Variants in UBAP2 observed in about 807,000 individuals in gnomAD.
The protein encoded by UBAP2 is ubiquitin associated protein 2.
Under a neutral mutation model 139.6 loss-of-function variants are expected in UBAP2, and 75 were observed. The ratio of observed to expected loss-of-function variants is 0.54; its 90% confidence interval spans 0.45 to 0.65. UBAP2 has a LOEUF of 0.65. Ranked by LOEUF, UBAP2 falls within the 30% of genes least tolerant of loss-of-function variation. UBAP2 has a pLI of 0.00. For missense variants in UBAP2, 1,368 were observed against 1,369.6 expected, an observed-to-expected ratio of 1.00 and a Z score of 0.02; for synonymous variants, 526 against 526.2, an observed-to-expected ratio of 1.00 and a Z score of 0.01.
intron 6 of UBAP2, among the ~76,000 whole-genome samples, chr9:33,982,630 A>G (rs756531438): frequency 5.3e-5 from 8 of 152,312 alleles, no homozygotes; most frequent in South Asian, 2.1e-4. Context: ...CAGTCCCAGT[A>G]AGAATAGGAA....
At chr9:34,005,785 A>G (rs1823152499) in intron 2 of UBAP2, among the ~76,000 whole-genome samples, 1 of 152,210 alleles carries the variant, frequency 6.6e-6, no homozygotes, top group South Asian at 2.1e-4. Flanking sequence ...GAATAAAAAT[A>G]CAGTATAGAG....
Position 33,941,709 on chromosome 9 carries a change from A to G in UBAP2, c.1869T>C (p.His623=). 6.2e-7 allele frequency: 1 copy of G among 1,614,200 alleles called. No individual in the cohort carries two copies. Among genetic ancestry groups the G allele is most frequent in the South Asian group, 1.1e-5 (1 of 91,092 alleles). Residue 623 remains histidine, a synonymous_variant, in exon 16 of 29, where the codon CAT becomes CAC. Transcript: ENST00000379238. ...MSSSYDQSSV[H]NRIPYQSPVS... ...CAGGGCTTTGGTATGGGATCCTGTTATGCACAGAACTCTGGTCATAAGAGG... is the reference window on the plus strand; with the variant it reads ...CAGGGCTTTGGTATGGGATCCTGTTGTGCACAGAACTCTGGTCATAAGAGG...
chr9:34,020,278 T>C (rs544912332), intron 1 of UBAP2, among the ~76,000 whole-genome samples: 1 of 151,392 alleles, frequency 6.6e-6, no homozygotes, highest in East Asian at 1.9e-4. Context: ...TTCAGCGCAA[T>C]AACACATAGA....
chr9:34,031,789 C>CA (rs138160278), intron 1 of UBAP2, among the ~76,000 whole-genome samples: 2,365 of 102,834 alleles, frequency 0.023, 66 homozygotes, highest in African/African-American at 0.079. Context: ...TGTCCCAAAC[C>CA]AAAAAAAAAA....
intron 1 of UBAP2, among the ~76,000 whole-genome samples, 169 bp from the exon 2 acceptor site, chr9:34,017,358 C>T (rs73482905): frequency 0.012 from 1,788 of 152,264 alleles, 35 homozygotes; most frequent in African/African-American, 0.04. Flanking sequence ...TAAACCAATT[C>T]GACTACTGCA....
chr9:33,991,094 G>A (rs994910990), intron 4 of UBAP2, among the ~76,000 whole-genome samples: 3 of 151,960 alleles, frequency 2.0e-5, no homozygotes, highest in Admixed American at 1.3e-4. Flanking sequence ...AGACTATCCT[G>A]GCCAACATTG....
Position 33,981,115 on chromosome 9 carries a change from T to TGG in UBAP2, c.520+5644_520+5645insCC, listed in dbSNP as rs1292697883. Among the ~76,000 whole-genome samples the TGG allele has an allele frequency of 2.8e-4, 2 of 7,150 alleles. 1 individual carries two copies. Among genetic ancestry groups the TGG allele is most frequent in the Non-Finnish European group, 7.0e-4 (2 of 2,838 alleles). The allele number at this position is 7,150 out of a possible 152,430, so 4.7% of individuals were successfully genotyped here. A position where few individuals can be genotyped will look rare whatever the true frequency, so the allele number is the denominator to read the frequency against. ...TATATATATTCTGGATATATATATA[T>TGG]ATATATATATATATATATATATTCT... On this transcript the variant is annotated intron_variant, in intron 6 of 28. Transcript: ENST00000379238.
chr9:33,980,462 C>T (rs1455791611), intron 6 of UBAP2, among the ~76,000 whole-genome samples: 2 of 150,704 alleles, frequency 1.3e-5, no homozygotes, highest in South Asian at 2.1e-4. Flanking sequence ...AGGGTGGTCT[C>T]GATCTCCTGA....
chr9:33,979,852 G>GT (rs1292287370), intron 6 of UBAP2, among the ~76,000 whole-genome samples: 1 of 151,370 alleles, frequency 6.6e-6, no homozygotes, highest in African/African-American at 2.4e-5. Context: ...TGGAGACAGA[G>GT]TGAGACTCTG....
intron 1 of UBAP2, among the ~76,000 whole-genome samples, chr9:34,024,000 C>T (rs1376653715): frequency 2.6e-5 from 4 of 151,168 alleles, no homozygotes; most frequent in African/African-American, 7.3e-5. Flanking sequence ...GCCGAGATGG[C>T]GCCATTGCAC....
At chr9:33,987,624 A>T (rs533802233) in intron 5 of UBAP2, among the ~76,000 whole-genome samples, 150 of 152,126 alleles carry the variant, frequency 9.9e-4, no homozygotes, top group Non-Finnish European at 1.9e-3. Flanking sequence ...AAGTGAAAAA[A>T]ATATATATAT....
At position 33,981,120 on chromosome 9, in the gene UBAP2, A is replaced by C. The variant is rs1337733394; in HGVS notation, c.520+5640T>G. On this transcript the variant is annotated intron_variant, in intron 6 of 28. Coordinates refer to ENST00000379238, the MANE Select transcript of UBAP2 (RefSeq NM_001370062.2). ...ATATTCTGGATATATATATATATAT[A>C]TATATATATATATATATTCTGGATA... Among the ~76,000 whole-genome samples the C allele has an allele frequency of 6.1e-4, 4 of 6,508 alleles. 2 individuals are homozygous for C. The highest frequency in any genetic ancestry group is 0.017 in the East Asian group (2 of 118). The allele number at this position is 6,508 out of a possible 152,430, so 4.3% of individuals were successfully genotyped here. A position where few individuals can be genotyped will look rare whatever the true frequency, so the allele number is the denominator to read the frequency against.
chr9:33,935,908 A>T, intron 16 of UBAP2, 30 bp from the exon 17 acceptor site: 2 of 1,602,190 alleles, frequency 1.2e-6, no homozygotes, highest in Non-Finnish European at 1.7e-6. Flanking sequence ...AGAGAATATA[A>T]ACTTACAAAA....
At chr9:33,936,462 G>T (rs1004595645) in intron 16 of UBAP2, among the ~76,000 whole-genome samples, 9 of 150,386 alleles carry the variant, frequency 6.0e-5, no homozygotes, top group Non-Finnish European at 1.0e-4. Flanking sequence ...CCAGGCTAAT[G>T]TTTGTATTTT....
In UBAP2 at chr9:33,995,456, TAA is replaced by T. The variant is rs1200453290; in HGVS notation, c.288+765_288+766del. ...AAACAAATATTATAAATATTATATA[TAA>T]TATATATTAAATATATAAATATATT... On this transcript the variant is annotated intron_variant, in intron 4 of 28. Coordinates refer to ENST00000379238, the MANE Select transcript of UBAP2 (RefSeq NM_001370062.2). 7.9e-5 allele frequency: 11 copies of T among 139,456 alleles called. No individual in the cohort carries two copies. In the East Asian group the frequency reaches 1.2e-3, roughly 15 times the overall value. 8.6% of individuals were successfully genotyped at this position (139,456 alleles called of 1,614,324 possible).
At chr9:34,009,760 T>C (rs1226865170) in intron 2 of UBAP2, among the ~76,000 whole-genome samples, 1 of 151,760 alleles carries the variant, frequency 6.6e-6, no homozygotes, top group Non-Finnish European at 1.5e-5. Flanking sequence ...AAACAATCTA[T>C]GTAAATATTC....
chr9:33,993,946 G>A (rs1821932706), intron 4 of UBAP2, among the ~76,000 whole-genome samples: 1 of 148,860 alleles, frequency 6.7e-6, no homozygotes, highest in East Asian at 2.0e-4. Flanking sequence ...CTGGGCTGGA[G>A]TGCAATGCCG....
chr9:33,958,179 C>T (rs1298930068), intron 10 of UBAP2, among the ~76,000 whole-genome samples: 5 of 151,976 alleles, frequency 3.3e-5, no homozygotes, highest in East Asian at 1.9e-4. Flanking sequence ...CCAGGCTGCA[C>T]TTGATCTCTT....
rs780751571 is a variant in UBAP2 at position 33,922,605 on chromosome 9, G to GC, written c.3265-7_3265-6insG. ...CTGCGCTGACCCGAGCCACTCTGAG[G>GC]AAGAGGAGAAGGGAAGGCTGTCAAG... On this transcript the variant is annotated splice_polypyrimidine_tract_variant and splice_region_variant and intron_variant, in intron 28 of 28. Coordinates refer to ENST00000379238, the MANE Select transcript of UBAP2 (RefSeq NM_001370062.2). The GC allele has an allele frequency of 4.3e-5, 69 of 1,612,366 alleles. No individual in the cohort carries two copies. The Admixed American group carries it at 1.1e-3, about 27-fold the overall frequency.
Sources: gnomAD v4.1 joint callset for allele counts (sites outside exome capture counted in the v4.1 genomes callset) on GRCh38, gnomAD v4.1.1 for gene constraint, MANE v1.5 for transcripts, NCBI Gene and HGNC (gene_info 2026-07-23, HGNC 2026-07-21) for gene names.